The following CDK19 variants were observed in gnomAD, a reference collection of about 807,000 sequenced individuals.
CDK19 encodes cyclin-dependent kinase 19.
In CDK19, 20 loss-of-function variants were observed where a neutral mutation model predicts 68.3. That is an observed-to-expected ratio of 0.29 (90% CI 0.21 to 0.43). CDK19 has a LOEUF of 0.43. CDK19 is among the 20% of genes least tolerant of loss of function. The probability of loss-of-function intolerance (pLI) is 1.00; values close to 1 mark genes in which losing one functional copy is unlikely to be tolerated. For synonymous variants in CDK19, 221 were observed against 222.8 expected, an observed-to-expected ratio of 0.99 and a Z score of 0.07; for missense variants, 339 against 623.5, an observed-to-expected ratio of 0.54 and a Z score of 4.86.
In CDK19 at chr6:110,638,674, A is replaced by G; in HGVS notation, c.489T>C (p.Gly163=). 1 of 1,543,742 alleles carries G rather than the reference A, an allele frequency of 6.5e-7. No individual in the cohort carries two copies. The highest frequency in any genetic ancestry group is 2.3e-5 in the East Asian group (1 of 44,226). Residue 163 remains glycine, a synonymous_variant, in exon 5 of 13, where the codon GGT becomes GGC. Transcript: ENST00000368911. ...CTATTTTGACTCTCCCCCTCTCAGG[A>G]CCTTCTCCCATTACTAGGATATTTG... is the stretch of plus-strand genomic sequence containing the variant. The part of the protein sequence containing the change: ...KPANILVMGE[G]PERGRVKIAD...
At chr6:110,742,991 G>A (rs1201222761) in intron 2 of CDK19, among the ~76,000 whole-genome samples, 1 of 151,972 alleles carries the variant, frequency 6.6e-6, no homozygotes, top group African/African-American at 2.4e-5. Flanking sequence ...GCGGCTCAGG[G>A]GACATCACAG....
chr6:110,798,628 GAAAAAAA>G (rs59236293), intron 1 of CDK19, among the ~76,000 whole-genome samples: 18 of 56,744 alleles, frequency 3.2e-4, no homozygotes, highest in Admixed American at 6.5e-4. Flanking sequence ...TCTGTCTCCA[GAAAAAAA>G]AAAAAAAAAA....
intron 1 of CDK19, among the ~76,000 whole-genome samples, chr6:110,804,487 G>T (rs1782542347): frequency 6.6e-6 from 1 of 151,462 alleles, no homozygotes; most frequent in South Asian, 2.1e-4. Context: ...GGACTACTCA[G>T]GGTAGGTGCG....
At chr6:110,648,072 T>G (rs1780724015) in intron 4 of CDK19, among the ~76,000 whole-genome samples, 1 of 152,016 alleles carries the variant, frequency 6.6e-6, no homozygotes, top group Admixed American at 6.6e-5. Context: ...CTAGAAAAAA[T>G]CTACCTTAAC....
intron 2 of CDK19, among the ~76,000 whole-genome samples, chr6:110,703,028 C>T (rs2114647400): frequency 6.6e-6 from 1 of 152,184 alleles, no homozygotes; most frequent in South Asian, 2.1e-4. Flanking sequence ...CTTTATGTTG[C>T]TCTGTATTTT....
intron 1 of CDK19, among the ~76,000 whole-genome samples, chr6:110,782,771 T>C (rs1285547562): frequency 6.6e-6 from 1 of 152,194 alleles, no homozygotes; most frequent in East Asian, 1.9e-4. Flanking sequence ...AAACACCAAA[T>C]TCTATAGCCT....
intron 4 of CDK19, among the ~76,000 whole-genome samples, chr6:110,642,026 G>A (rs910886078): frequency 2.6e-5 from 4 of 152,210 alleles, no homozygotes; most frequent in Non-Finnish European, 5.9e-5. Flanking sequence ...TTGGAGGCTG[G>A]GCGTGGTGGC....
intron 1 of CDK19, among the ~76,000 whole-genome samples, chr6:110,779,547 A>G (rs1190831676): frequency 1.3e-5 from 2 of 152,200 alleles, no homozygotes; most frequent in Admixed American, 1.3e-4. Flanking sequence ...CAAGGTCTAG[A>G]CTAGGGCATA....
intron 1 of CDK19, among the ~76,000 whole-genome samples, chr6:110,796,946 G>A (rs1047239619): frequency 2.0e-5 from 3 of 150,548 alleles, no homozygotes; most frequent in African/African-American, 7.4e-5. Context: ...GGAGGCAGAG[G>A]TTGCAGTGAG....
chr6:110,680,834 T>C (rs1473451921), intron 2 of CDK19, among the ~76,000 whole-genome samples: 2 of 151,742 alleles, frequency 1.3e-5, no homozygotes, highest in Non-Finnish European at 1.5e-5. Context: ...CCGTCCCTAC[T>C]AAAAATACAA....
rs1778885746 is a variant in CDK19 at position 110,623,807 on chromosome 6, CACATATAT to C, written c.861-453_861-446del. 1.7e-4 allele frequency among the ~76,000 whole-genome samples: 25 copies of C among 146,628 alleles called. No homozygotes were observed. The Admixed American group carries it at 1.7e-3, about 10-fold the overall frequency. ...ATACACATATATACACACACATATA[CACATATAT>C]ACACATACATATACACATATATATA... On this transcript the variant is annotated intron_variant, in intron 8 of 12. Coordinates refer to ENST00000368911, the MANE Select transcript of CDK19 (RefSeq NM_015076.5).
chr6:110,691,084 A>T (rs1259436465), intron 2 of CDK19, among the ~76,000 whole-genome samples: 1 of 152,208 alleles, frequency 6.6e-6, no homozygotes, highest in Non-Finnish European at 1.5e-5. Flanking sequence ...TAAGCCACTC[A>T]AGGAGATTCC....
At chr6:110,794,055 G>A (rs905264540) in intron 1 of CDK19, among the ~76,000 whole-genome samples, 6 of 152,022 alleles carry the variant, frequency 3.9e-5, no homozygotes, top group African/African-American at 1.2e-4. Context: ...TTGTTTGTTT[G>A]TTTGTTTTAA....
intron 4 of CDK19, among the ~76,000 whole-genome samples, chr6:110,657,554 C>T (rs1562167017): frequency 6.6e-6 from 1 of 152,040 alleles, no homozygotes; most frequent in South Asian, 2.1e-4. Context: ...AATAAAATAG[C>T]GTGCCTAAAT....
chr6:110,741,302 A>T (rs1255841201), intron 2 of CDK19, among the ~76,000 whole-genome samples: 4 of 135,170 alleles, frequency 3.0e-5, no homozygotes, highest in Non-Finnish European at 1.7e-5. Context: ...CAAAAAATTA[A>T]AAAAAAAAAA....
At chr6:110,780,961 TAGA>T (rs1344288248) in intron 1 of CDK19, among the ~76,000 whole-genome samples, 3 of 152,156 alleles carry the variant, frequency 2.0e-5, no homozygotes, top group Non-Finnish European at 4.4e-5. Context: ...TTAGGTAAGA[TAGA>T]AGAAGCCAGT....
At chr6:110,646,189 T>A in intron 4 of CDK19, 1 of 1,289,654 alleles carries the variant, frequency 7.8e-7, no homozygotes, top group South Asian at 1.4e-5. Flanking sequence ...AGCCTGTTCC[T>A]CCGCATCCTC....
intron 1 of CDK19, among the ~76,000 whole-genome samples, chr6:110,753,765 G>C (rs1778646207): frequency 6.6e-6 from 1 of 151,888 alleles, no homozygotes; most frequent in Non-Finnish European, 1.5e-5. Context: ...ACATTTGTAT[G>C]CAACCATATC....
At chr6:110,676,983 C>T (rs911540601) in intron 2 of CDK19, among the ~76,000 whole-genome samples, 3 of 152,168 alleles carry the variant, frequency 2.0e-5, no homozygotes, top group African/African-American at 7.2e-5. Flanking sequence ...TTTTCTAGAG[C>T]GTCAATATGC....
Sources: allele counts gnomAD v4.1 joint callset (sites outside exome capture counted in the v4.1 genomes callset), GRCh38; gene constraint gnomAD v4.1.1; transcripts MANE v1.5; gene names NCBI Gene and HGNC (gene_info 2026-07-23, HGNC 2026-07-21).